The following FRMD4B variants were observed in gnomAD, a reference collection of about 807,000 sequenced individuals.
The protein encoded by FRMD4B is FERM domain containing 4B.
Under a neutral mutation model 141.5 loss-of-function variants are expected in FRMD4B, and 74 were observed. The observed-to-expected ratio is 0.52, with a 90% CI of 0.43 to 0.63. The LOEUF (loss-of-function observed/expected upper bound fraction) is 0.63, where lower values mean the gene tolerates loss of function less well. Among genes scored for constraint, FRMD4B ranks in the 30% least tolerant of loss-of-function variants. The pLI is 0.00. For synonymous variants in FRMD4B, 506 were observed against 467.9 expected, an observed-to-expected ratio of 1.08 and a Z score of -1.05; for missense variants, 1,366 against 1,253.4, an observed-to-expected ratio of 1.09 and a Z score of -1.36.
intron 1 of FRMD4B, among the ~76,000 whole-genome samples, chr3:69,333,695 TAAA>T (rs1702452209): frequency 6.6e-6 from 1 of 152,218 alleles, no homozygotes; most frequent in East Asian, 1.9e-4. Flanking sequence ...GATTACATAA[TAAA>T]ATACCCAATT....
chr3:69,280,873 C>T (rs1029481870), intron 5 of FRMD4B, among the ~76,000 whole-genome samples: 4 of 152,118 alleles, frequency 2.6e-5, no homozygotes, highest in Non-Finnish European at 5.9e-5. Context: ...CCCACCCTGG[C>T]CTCCCGAAGT....
intron 17 of FRMD4B, among the ~76,000 whole-genome samples, chr3:69,190,822 G>A (rs536588275): frequency 1.6e-4 from 25 of 152,274 alleles, no homozygotes; most frequent in African/African-American, 5.8e-4. Flanking sequence ...AGCCTCCCTG[G>A]TTGAGAACCA....
intron 1 of FRMD4B, chr3:69,377,103 T>C (rs962706735): frequency 6.6e-6 from 1 of 152,186 alleles, no homozygotes; most frequent in Admixed American, 6.5e-5. Flanking sequence ...TTTTAGAAAT[T>C]TCTGTCAGGT....
At chr3:69,222,737 C>T (rs2093208856) in intron 8 of FRMD4B, among the ~76,000 whole-genome samples, 1 of 152,090 alleles carries the variant, frequency 6.6e-6, no homozygotes, top group African/African-American at 2.4e-5. Flanking sequence ...CGCCATTGCA[C>T]TCCAGCCTGG....
chr3:69,385,072 A>C (rs960672956), intron 1 of FRMD4B, among the ~76,000 whole-genome samples: 2 of 152,104 alleles, frequency 1.3e-5, no homozygotes, highest in Non-Finnish European at 2.9e-5. Flanking sequence ...CTGTCTAAAA[A>C]AAAAAAAAGA....
chr3:69,464,879 CTCTGCAGG>C (rs1000700003), intron 1 of FRMD4B, among the ~76,000 whole-genome samples: 1 of 152,204 alleles, frequency 6.6e-6, no homozygotes, highest in Non-Finnish European at 1.5e-5. Flanking sequence ...CTGTGAGAAA[CTCTGCAGG>C]TCAAATAACC....
At chr3:69,457,102 TAAAGTTATTTTTGC>T (rs1705631114) in intron 1 of FRMD4B, among the ~76,000 whole-genome samples, 2 of 152,236 alleles carry the variant, frequency 1.3e-5, no homozygotes, top group South Asian at 4.1e-4. Flanking sequence ...CAGAAAAAGT[TAAAGTTATTTTTGC>T]AAAAGAAAGA....
intron 8 of FRMD4B, among the ~76,000 whole-genome samples, chr3:69,222,606 T>C (rs2093207089): frequency 6.6e-6 from 1 of 151,900 alleles, no homozygotes; most frequent in African/African-American, 2.4e-5. Context: ...ATGTCGTCTC[T>C]ACTAAAAATA....
chr3:69,424,603 T>C (rs6781386), intron 2 of FRMD4B, among the ~76,000 whole-genome samples: 39,181 of 152,074 alleles, frequency 0.26, 5,651 homozygotes, highest in East Asian at 0.47. Flanking sequence ...CCAATAAATA[T>C]ACAAAAATCC....
At position 69,337,369 on chromosome 3, in the gene FRMD4B, A is replaced by G. The variant is rs572948360; in HGVS notation, c.163-23852T>C. On this transcript the variant is annotated intron_variant, in intron 1 of 22. Coordinates refer to ENST00000398540, the MANE Select transcript of FRMD4B (RefSeq NM_015123.3). ...ATAAAAACTCTAGAAGAAAACCTAG[A>G]CAATACCATTCAGGACATAGGCATG... Among the ~76,000 whole-genome samples, 18 of 152,336 alleles carry G rather than the reference A, an allele frequency of 1.2e-4. No homozygotes were observed. The East Asian group carries it at 3.1e-3, about 26-fold the overall frequency.
At chr3:69,406,650 T>C (rs886857471) in intron 2 of FRMD4B, among the ~76,000 whole-genome samples, 1 of 152,222 alleles carries the variant, frequency 6.6e-6, no homozygotes, top group African/African-American at 2.4e-5. Flanking sequence ...GCAGCAAACA[T>C]GTCCTTAGGG....
intron 1 of FRMD4B, among the ~76,000 whole-genome samples, chr3:69,527,165 C>A (rs1304263881): frequency 6.6e-6 from 1 of 152,126 alleles, no homozygotes; most frequent in East Asian, 1.9e-4. Context: ...AAGATTTTCA[C>A]AAGTTCATCT....
intron 17 of FRMD4B, among the ~76,000 whole-genome samples, chr3:69,190,286 GAA>G (rs1324515218): frequency 1.3e-5 from 2 of 151,900 alleles, no homozygotes; most frequent in African/African-American, 4.8e-5. Flanking sequence ...AAACTGGAAA[GAA>G]AAAATCATGC....
At chr3:69,476,932 T>C (rs1706012021) in intron 1 of FRMD4B, among the ~76,000 whole-genome samples, 1 of 152,186 alleles carries the variant, frequency 6.6e-6, no homozygotes, top group Admixed American at 6.5e-5. Flanking sequence ...CCCTTGTAAG[T>C]TGGATTCCTA....
chr3:69,262,431 A>C (rs1327794156), intron 5 of FRMD4B, among the ~76,000 whole-genome samples: 1 of 151,496 alleles, frequency 6.6e-6, no homozygotes, highest in Non-Finnish European at 1.5e-5. Context: ...TATTTGTAAT[A>C]ATCAAATACT....
At chr3:69,388,482 C>A (rs1704316270), upstream of FRMD4B, among the ~76,000 whole-genome samples, 1 of 152,044 alleles carries the variant, frequency 6.6e-6, no homozygotes, top group African/African-American at 2.4e-5. Flanking sequence ...TTCAGTTGGC[C>A]TCTGGAGGAT....
At chr3:69,299,115 C>T (rs1701128052) in intron 4 of FRMD4B, among the ~76,000 whole-genome samples, 1 of 151,942 alleles carries the variant, frequency 6.6e-6, no homozygotes, top group African/African-American at 2.4e-5. Context: ...GTCCTCAGAC[C>T]TAGAATGGGG....
chr3:69,328,643 C>T (rs1207295144), intron 1 of FRMD4B, among the ~76,000 whole-genome samples: 1 of 152,140 alleles, frequency 6.6e-6, no homozygotes, highest in Non-Finnish European at 1.5e-5. Context: ...CCAAAACCCA[C>T]CAAAACCAAG....
At chr3:69,391,278 T>C (rs1704377718) in intron 2 of FRMD4B, among the ~76,000 whole-genome samples, 1 of 152,024 alleles carries the variant, frequency 6.6e-6, no homozygotes, top group Non-Finnish European at 1.5e-5. Context: ...TTTTAAGTTC[T>C]AGGGTACACG....
Sources: allele counts gnomAD v4.1 joint callset (sites outside exome capture counted in the v4.1 genomes callset), GRCh38; gene constraint gnomAD v4.1.1; transcripts MANE v1.5; gene names NCBI Gene and HGNC (gene_info 2026-07-23, HGNC 2026-07-21).